Variants in RPSA2 observed in about 807,000 individuals in gnomAD.
RPSA2 encodes ribosomal protein SA 2.
At chr19:23,867,879 T>G in the RPSA2 span, among the ~76,000 whole-genome samples, 1 of 148,472 alleles carries the variant, frequency 6.7e-6, no homozygotes, top group South Asian at 2.1e-4. Context: ...ATTATTGGGG[T>G]CATTGATACT....
the RPSA2 span, among the ~76,000 whole-genome samples, chr19:23,851,932 T>G: frequency 1.3e-5 from 2 of 152,366 alleles, no homozygotes; most frequent in South Asian, 2.1e-4. Flanking sequence ...CCGATTTAAA[T>G]GAACCACAAT....
the RPSA2 span, among the ~76,000 whole-genome samples, chr19:23,768,481 C>T: frequency 6.8e-6 from 1 of 146,846 alleles, no homozygotes; most frequent in African/African-American, 2.5e-5. Flanking sequence ...GAACTTGACA[C>T]TTTCTAGAAA....
the RPSA2 span, among the ~76,000 whole-genome samples, chr19:23,846,254 TTTC>T: frequency 6.6e-6 from 1 of 152,204 alleles, no homozygotes; most frequent in African/African-American, 2.4e-5. Flanking sequence ...TGGATCATTT[TTTC>T]TTATTCATTT....
chr19:23,803,996 T>C, the RPSA2 span, among the ~76,000 whole-genome samples: 8 of 152,170 alleles, frequency 5.3e-5, no homozygotes, highest in Non-Finnish European at 1.2e-4. Flanking sequence ...TTGAACACAG[T>C]ATAAACTCAC....
chr19:23,815,940 G>A, the RPSA2 span, among the ~76,000 whole-genome samples: 1 of 149,806 alleles, frequency 6.7e-6, no homozygotes, highest in Non-Finnish European at 1.5e-5. Context: ...GTTAGCACTT[G>A]ACTTAAAACA....
the RPSA2 span, among the ~76,000 whole-genome samples, chr19:23,817,419 T>G: frequency 1.3e-5 from 2 of 152,220 alleles, no homozygotes; most frequent in Non-Finnish European, 2.9e-5. Flanking sequence ...TTTTGTGTAT[T>G]TATTAACATA....
the RPSA2 span, chr19:23,758,618 G>T: frequency 1.1e-5 from 15 of 1,399,048 alleles, no homozygotes; most frequent in Non-Finnish European, 1.5e-5. Context: ...CCATCTTATG[G>T]TCCAAGTGGA....
the RPSA2 span, among the ~76,000 whole-genome samples, chr19:23,783,653 G>A: frequency 6.6e-6 from 1 of 151,940 alleles, no homozygotes; most frequent in Non-Finnish European, 1.5e-5. Context: ...TATCACTGAA[G>A]CAAACACCTA....
At chr19:23,871,060 C>A in the RPSA2 span, among the ~76,000 whole-genome samples, 2 of 152,242 alleles carry the variant, frequency 1.3e-5, no homozygotes, top group South Asian at 4.2e-4. Flanking sequence ...ACAATCAGCC[C>A]CTTCTCCCTA....
the RPSA2 span, among the ~76,000 whole-genome samples, chr19:23,843,836 C>T: frequency 8.6e-5 from 13 of 151,952 alleles, no homozygotes; most frequent in African/African-American, 1.9e-4. Context: ...CTCAGCTTAC[C>T]GCAATCTTTG....
At chr19:23,827,670 C>T in the RPSA2 span, 5 of 1,596,416 alleles carry the variant, frequency 3.1e-6, no homozygotes, top group Non-Finnish European at 3.4e-6. Flanking sequence ...GGAGCTCACT[C>T]AGTGGGTTTG....
chr19:23,838,155 G>A, the RPSA2 span, among the ~76,000 whole-genome samples: 3 of 152,120 alleles, frequency 2.0e-5, no homozygotes, highest in East Asian at 3.9e-4. Context: ...ATTATAAAGC[G>A]ATGTTGGATT....
At chr19:23,843,921 G>C in the RPSA2 span, among the ~76,000 whole-genome samples, 2 of 151,968 alleles carry the variant, frequency 1.3e-5, no homozygotes, top group Non-Finnish European at 2.9e-5. Context: ...CACCACACCT[G>C]GCTAATTTTG....
chr19:23,759,033 G>C, the RPSA2 span: 3 of 542,942 alleles, frequency 5.5e-6, no homozygotes, highest in Non-Finnish European at 9.7e-6. Context: ...GTGATCAGAT[G>C]CTCTGCTGAA....
chr19:23,851,549 T>C, the RPSA2 span, among the ~76,000 whole-genome samples: 3 of 152,224 alleles, frequency 2.0e-5, no homozygotes, highest in Non-Finnish European at 4.4e-5. Flanking sequence ...TGTTTAATAG[T>C]AGCAGTTTCT....
the RPSA2 span, among the ~76,000 whole-genome samples, chr19:23,793,210 CTTTTTT>C: frequency 1.1e-3 from 1 of 938 alleles, no homozygotes; most frequent in Non-Finnish European, 4.3e-3. Flanking sequence ...AGGTGGCTTT[CTTTTTT>C]TTTTTTTTTT....
chr19:23,821,511 A>T, the RPSA2 span, among the ~76,000 whole-genome samples: 1 of 151,844 alleles, frequency 6.6e-6, no homozygotes, highest in African/African-American at 2.4e-5. Context: ...TGCCTCCCCC[A>T]CTTCTAATGT....
the RPSA2 span, among the ~76,000 whole-genome samples, chr19:23,803,973 A>G: frequency 6.6e-6 from 1 of 152,134 alleles, no homozygotes; most frequent in Admixed American, 6.5e-5. Context: ...CTTATTCTAA[A>G]TCCTTGGAAT....
chr19:23,867,477 G>A, the RPSA2 span, among the ~76,000 whole-genome samples: 1 of 152,114 alleles, frequency 6.6e-6, no homozygotes, highest in African/African-American at 2.4e-5. Context: ...GAGTGGGAAA[G>A]GTTTAGGAAA....
Sources: gnomAD v4.1 joint callset for allele counts (sites outside exome capture counted in the v4.1 genomes callset) on GRCh38, gnomAD v4.1.1 for gene constraint, MANE v1.5 for transcripts, NCBI Gene and HGNC (gene_info 2026-07-23, HGNC 2026-07-21) for gene names.